The following TBCD variants were observed in gnomAD, a reference collection of about 807,000 sequenced individuals.
The protein encoded by TBCD is tubulin folding cofactor D, also known as tubulin-specific chaperone D.
In TBCD, 105 loss-of-function variants were observed where a neutral mutation model predicts 169.3. That is an observed-to-expected ratio of 0.62 (90% CI 0.53 to 0.73). The LOEUF is 0.73. Ranked by LOEUF, TBCD falls within the 30% of genes least tolerant of loss-of-function variation. The probability of loss-of-function intolerance (pLI) is 0.00; values close to 1 mark genes in which losing one functional copy is unlikely to be tolerated. For missense variants in TBCD, 1,444 were observed against 1,600.1 expected, an observed-to-expected ratio of 0.90 and a Z score of 1.66; for synonymous variants, 700 against 643.9, an observed-to-expected ratio of 1.09 and a Z score of -1.32.
rs2063602986 is a variant in TBCD at position 82,945,163 on chromosome 17, G to T, written c.*2700G>T. ...AAAAACAGAGCCCCTAGAAATGTAAGAAGTGAAATGAAAAGCTCAATGGAT... is the reference window on the plus strand; with the variant it reads ...AAAAACAGAGCCCCTAGAAATGTAATAAGTGAAATGAAAAGCTCAATGGAT... On this transcript the variant is annotated 3_prime_UTR_variant, in exon 39 of 39. Coordinates refer to ENST00000355528, the MANE Select transcript of TBCD (RefSeq NM_005993.5). 2 of 152,210 alleles carry T rather than the reference G, an allele frequency of 1.3e-5. No homozygotes were observed. Among genetic ancestry groups the T allele is most frequent in the South Asian group, 4.1e-4 (2 of 4,830 alleles). The allele number at this position is 152,210 out of a possible 1,614,324, so 9.4% of individuals were successfully genotyped here.
intron 2 of TBCD, among the ~76,000 whole-genome samples, chr17:82,761,469 G>C (rs984217482): frequency 7.9e-5 from 12 of 152,162 alleles, no homozygotes; most frequent in Admixed American, 6.5e-5. Context: ...GCGCTATCAA[G>C]ATATGGAACA....
chr17:82,772,611 C>T, intron 6 of TBCD, 104 bp downstream of exon 6: 1 of 1,247,442 alleles, frequency 8.0e-7, no homozygotes, highest in South Asian at 1.2e-5. Context: ...GACGAAGGAC[C>T]CCGGGAAGTC....
At position 82,833,966 on chromosome 17, in the gene TBCD, CAG is replaced by C. The variant is rs1400912684; in HGVS notation, c.1318+19035_1318+19036del. ...AAAGGCTGTTTTTCTTTTTTTGAGA[CAG>C]AGTTTCTCCCTTGTTGCCCAGTCTG... On this transcript the variant is annotated intron_variant, in intron 13 of 38. Coordinates refer to ENST00000355528, the MANE Select transcript of TBCD (RefSeq NM_005993.5). The surrounding 1 kb of genome is among the most constrained non-coding windows in gnomAD (Gnocchi z 4.7). Among the ~76,000 whole-genome samples the C allele has an allele frequency of 4.6e-5, 7 of 150,928 alleles. No homozygotes were observed. Among genetic ancestry groups the C allele is most frequent in the African/African-American group, 1.5e-4 (6 of 41,140 alleles).
At chr17:82,916,088 A>AC (rs1167214268) in intron 23 of TBCD, among the ~76,000 whole-genome samples, 3 of 152,204 alleles carry the variant, frequency 2.0e-5, no homozygotes, top group African/African-American at 7.2e-5. Context: ...ATTTACCCAC[A>AC]CAGCCACCTG....
Position 82,930,265 on chromosome 17 carries a change from T to G in TBCD, c.2992-257T>G, listed in dbSNP as rs1355378630. On this transcript the variant is annotated intron_variant, in intron 32 of 38. Coordinates refer to ENST00000355528, the MANE Select transcript of TBCD (RefSeq NM_005993.5). The surrounding 1 kb of genome is among the most constrained non-coding windows in gnomAD (Gnocchi z 5.2). ...CAAGGTGAGTGGCCGCAGCCTTTCG[T>G]CACGTGCTCTCCCGCATGTCCTAAG... 8.1e-6 allele frequency: 4 copies of G among 495,500 alleles called. No individual in the cohort carries two copies. The highest frequency in any genetic ancestry group is 1.4e-5 in the Non-Finnish European group (4 of 280,030). The allele number at this position is 495,500 out of a possible 1,614,324, so 30.7% of individuals were successfully genotyped here.
At chr17:82,917,202 T>A (rs1451892847) in intron 23 of TBCD, among the ~76,000 whole-genome samples, 1 of 151,982 alleles carries the variant, frequency 6.6e-6, no homozygotes, top group African/African-American at 2.4e-5. Context: ...GTATTTTTTG[T>A]AGAGATGGGG....
Position 82,891,783 on chromosome 17 carries a change from A to G in TBCD, c.1564-1764A>G, listed in dbSNP as rs1166646554. Among the ~76,000 whole-genome samples, 3 of 152,086 alleles carry G rather than the reference A, an allele frequency of 2.0e-5. 1 individual carries two copies. The highest frequency in any genetic ancestry group is 2.0e-4 in the Admixed American group (3 of 15,258). On this transcript the variant is annotated intron_variant, in intron 16 of 38. Transcript: ENST00000355528. ...GACACAGAGGGGGCTGGGGGCAGAG[A>G]CGAGGGACCAGCTTCTCTGTCCAGG...
intron 3 of TBCD, among the ~76,000 whole-genome samples, chr17:82,765,527 C>G (rs1204672525): frequency 6.6e-6 from 1 of 152,168 alleles, no homozygotes; most frequent in African/African-American, 2.4e-5. Flanking sequence ...GCTTGGGGTT[C>G]GTAGTGGCGA....
In TBCD at chr17:82,930,632, T is replaced by C. The variant is rs781044341; in HGVS notation, c.3102T>C (p.Leu1034=). The change falls in exon 33 of 39, where the codon CTT becomes CTC. Residue 1034 remains leucine (L), a synonymous_variant. Coordinates refer to ENST00000355528, the MANE Select transcript of TBCD (RefSeq NM_005993.5). The surrounding 1 kb of genome is among the most constrained non-coding windows in gnomAD (Gnocchi z 5.2). ...TTCTGCAGATCTTTGAGGACAACCT[T>C]CTGAATGAGAGGTGAGTGGTGTCTC... ...GTLLQIFEDN[L]LNERVSVPLL... 9.9e-6 allele frequency: 16 copies of C among 1,613,844 alleles called. No homozygotes were observed. Among genetic ancestry groups the C allele is most frequent in the Non-Finnish European group, 1.4e-5 (16 of 1,179,850 alleles).
chr17:82,939,281 G>A lies in TBCD; in HGVS notation c.3370-86G>A, dbSNP rs551156628. The A allele has an allele frequency of 3.7e-4, 400 of 1,078,382 alleles. 7 individuals carry two copies. In the South Asian group the frequency reaches 4.8e-3, roughly 13 times the overall value. The allele number at this position is 1,078,382 out of a possible 1,614,324, so 66.8% of individuals were successfully genotyped here. ...CCTCCTCCTGACGCCTTCCACTGAC[G>A]GGGCTCCCTGGCCTGGGTCCTGTCG... On this transcript the variant is annotated intron_variant, in intron 36 of 38. Coordinates refer to ENST00000355528, the MANE Select transcript of TBCD (RefSeq NM_005993.5).
chr17:82,777,486 G>C (rs1183762645), intron 6 of TBCD, among the ~76,000 whole-genome samples: 3 of 152,244 alleles, frequency 2.0e-5, no homozygotes. Flanking sequence ...AGACAAAGGG[G>C]CAGTGTAAGG....
In TBCD at chr17:82,943,624, CACAAGACCAGGACT is replaced by C. The variant is rs1420314999; in HGVS notation, c.*1162_*1175del. On this transcript the variant is annotated 3_prime_UTR_variant, in exon 39 of 39. Coordinates refer to ENST00000355528, the MANE Select transcript of TBCD (RefSeq NM_005993.5). ...GTGAGGCTTGTGAGGTCACCAGGAC[CACAAGACCAGGACT>C]GTGACAGTCCGTGCTGTGTGTTTAG... 6.6e-6 allele frequency: 1 copy of C among 152,208 alleles called. No homozygotes were observed. Among genetic ancestry groups the C allele is most frequent in the Non-Finnish European group, 1.5e-5 (1 of 68,062 alleles). The allele number at this position is 152,208 out of a possible 1,614,324, so 9.4% of individuals were successfully genotyped here.
At chr17:82,768,194 G>C (rs1327153801) in intron 4 of TBCD, among the ~76,000 whole-genome samples, 2 of 152,156 alleles carry the variant, frequency 1.3e-5, no homozygotes, top group Non-Finnish European at 2.9e-5. Context: ...TGTCTCTCTT[G>C]TCTGCTGAGC....
intron 7 of TBCD, among the ~76,000 whole-genome samples, chr17:82,784,148 C>T (rs1392794818): frequency 1.3e-5 from 2 of 151,982 alleles, no homozygotes; most frequent in African/African-American, 4.8e-5. Flanking sequence ...AAAAACAAAC[C>T]CAACTTAATA....
intron 1 of TBCD, among the ~76,000 whole-genome samples, chr17:82,755,288 T>C (rs2047343665): frequency 6.6e-6 from 1 of 152,176 alleles, no homozygotes. Context: ...AGAGAATAGA[T>C]TGTAAATGCT....
intron 13 of TBCD, among the ~76,000 whole-genome samples, chr17:82,861,910 G>C (rs536252418): frequency 6.6e-5 from 10 of 151,606 alleles, no homozygotes; most frequent in Non-Finnish European, 8.8e-5. Flanking sequence ...AAAACCTGAA[G>C]GTCTTTTTTT....
Position 82,809,795 on chromosome 17 carries a change from A to G in TBCD, c.1223+13A>G, listed in dbSNP as rs772875184. 1 of 1,612,776 alleles carries G rather than the reference A, an allele frequency of 6.2e-7. No homozygotes were observed. Among genetic ancestry groups the G allele is most frequent in the Non-Finnish European group, 8.5e-7 (1 of 1,179,290 alleles). ...TGGACTGCTTCAGGTATGTGAGAAG[A>G]GCAGGGGAGGCGTGTGGGCCTGACC... On this transcript the variant is annotated intron_variant, in intron 12 of 38. Coordinates refer to ENST00000355528, the MANE Select transcript of TBCD (RefSeq NM_005993.5).
At chr17:82,827,522 G>A (rs2052965099) in intron 13 of TBCD, among the ~76,000 whole-genome samples, 1 of 152,188 alleles carries the variant, frequency 6.6e-6, no homozygotes, top group Non-Finnish European at 1.5e-5. Flanking sequence ...AGCCCCAGGG[G>A]TGCTTCGCAC....
intron 9 of TBCD, 60 bp downstream of exon 9, chr17:82,801,056 G>T: frequency 6.6e-7 from 1 of 1,520,256 alleles, no homozygotes; most frequent in Non-Finnish European, 8.8e-7. Context: ...GTTGCTGTGG[G>T]GGGCAGGCGC....
Sources: allele counts gnomAD v4.1 joint callset (sites outside exome capture counted in the v4.1 genomes callset), GRCh38; gene constraint gnomAD v4.1.1; non-coding constraint Gnocchi (gnomAD v3.1); transcripts MANE v1.5; gene names NCBI Gene and HGNC (gene_info 2026-07-23, HGNC 2026-07-21).